The following CLECL1 variants were observed in gnomAD, a reference collection of about 807,000 sequenced individuals.
CLECL1 encodes C-type lectin-like domain family 1.
the CLECL1 span, among the ~76,000 whole-genome samples, chr12:9,704,752 T>C: frequency 6.6e-6 from 1 of 152,246 alleles, no homozygotes; most frequent in African/African-American, 2.4e-5. Flanking sequence ...TGTTCCTTTT[T>C]ATGGCTGCAT....
downstream of CLECL1, among the ~76,000 whole-genome samples, chr12:9,712,427 C>CT (rs528454711): frequency 1.3e-5 from 2 of 152,210 alleles, no homozygotes; most frequent in South Asian, 2.1e-4. Context: ...TCCTATAGTT[C>CT]TTTTTAGTGC....
upstream of CLECL1, chr12:9,733,387 G>A: frequency 1.6e-6 from 1 of 618,510 alleles, no homozygotes; most frequent in Non-Finnish European, 2.8e-6. Context: ...TTTAGTTCAG[G>A]CATATATTCT....
At position 9,726,864 on chromosome 12, in the gene CLECL1, T is replaced by C. The variant is rs1357039713; in HGVS notation, n.262+701A>G. ...AGTTAAGAAAAATATTAACTTACAT[T>C]GTACGAGATAGTCTTTAGATTGTGG... On this transcript the variant is annotated intron_variant and non_coding_transcript_variant, in intron 3 of 3. Transcript: ENST00000621400. Among the ~76,000 whole-genome samples the C allele has an allele frequency of 2.0e-5, 3 of 151,986 alleles. No individual in the cohort carries two copies. The East Asian group carries it at 5.8e-4, about 29-fold the overall frequency.
intron 3 of CLECL1, among the ~76,000 whole-genome samples, chr12:9,725,650 C>A (rs1460371028): frequency 6.6e-6 from 1 of 152,002 alleles, no homozygotes; most frequent in African/African-American, 2.4e-5. Flanking sequence ...AACTTCAATG[C>A]ATAAAACGTG....
chr12:9,727,423 T>G (rs938735404), intron 3 of CLECL1, among the ~76,000 whole-genome samples: 2 of 151,816 alleles, frequency 1.3e-5, no homozygotes, highest in East Asian at 3.8e-4. Context: ...AGAATTGTAA[T>G]GAGTCCATGA....
chr12:9,711,147 C>T (rs1020227756), downstream of CLECL1, among the ~76,000 whole-genome samples: 16 of 152,174 alleles, frequency 1.1e-4, no homozygotes, highest in African/African-American at 3.6e-4. Context: ...CTGAACCCCA[C>T]AGCCTGCCCG....
At chr12:9,731,484 G>A (rs1866446890) in intron 1 of CLECL1, among the ~76,000 whole-genome samples, 1 of 152,168 alleles carries the variant, frequency 6.6e-6, no homozygotes, top group Non-Finnish European at 1.5e-5. Context: ...AAAGGTATGA[G>A]GTTAGAAGAG....
chr12:9,711,511 TTA>T (rs1491298616), downstream of CLECL1, among the ~76,000 whole-genome samples: 16 of 23,310 alleles, frequency 6.9e-4, no homozygotes, highest in African/African-American at 7.7e-4. Flanking sequence ...AGTAAGTTAT[TTA>T]AAAAAAAAAA....
At chr12:9,708,029 G>A in the CLECL1 span, among the ~76,000 whole-genome samples, 2 of 152,124 alleles carry the variant, frequency 1.3e-5, no homozygotes, top group South Asian at 2.1e-4. Context: ...CTCCCACTTC[G>A]GGTGCCTGGG....
chr12:9,708,491 A>G, the CLECL1 span, among the ~76,000 whole-genome samples: 1 of 152,150 alleles, frequency 6.6e-6, no homozygotes, highest in Non-Finnish European at 1.5e-5. Context: ...GGTCCTAAAA[A>G]GGAAAACCAG....
chr12:9,722,902 A>G, intron 3 of CLECL1, 89 bp from the exon 2 acceptor site: 1 of 913,428 alleles, frequency 1.1e-6, no homozygotes, highest in Non-Finnish European at 1.6e-6. Context: ...ATTTGGTTAT[A>G]TTATGTGCTA....
chr12:9,734,121 G>GT (rs1331481009), upstream of CLECL1, among the ~76,000 whole-genome samples: 1 of 152,222 alleles, frequency 6.6e-6, no homozygotes, highest in Non-Finnish European at 1.5e-5. Flanking sequence ...GGAAAAACTG[G>GT]TTTTTTCAAT....
At chr12:9,718,453 C>T (rs929061895), downstream of CLECL1, among the ~76,000 whole-genome samples, 1 of 150,692 alleles carries the variant, frequency 6.6e-6, no homozygotes, top group Admixed American at 6.7e-5. Flanking sequence ...CCTTTCAGTT[C>T]TGCAGTCTTT....
chr12:9,715,765 T>G, downstream of CLECL1: 1 of 152,588 alleles, frequency 6.6e-6, no homozygotes, highest in East Asian at 1.9e-4. Flanking sequence ...GCCTTTATTC[T>G]GTCTTCTTAT....
At chr12:9,734,278 C>T (rs1345457033), upstream of CLECL1, among the ~76,000 whole-genome samples, 1 of 152,124 alleles carries the variant, frequency 6.6e-6, no homozygotes, top group Admixed American at 6.5e-5. Context: ...CTATAAAGAC[C>T]AACTTCTGAC....
downstream of CLECL1, among the ~76,000 whole-genome samples, chr12:9,712,326 C>T (rs139870877): frequency 3.3e-4 from 50 of 152,268 alleles, 1 homozygote; most frequent in East Asian, 9.3e-3. Context: ...TTTTCAACTA[C>T]CTATCTCACT....
chr12:9,706,560 A>C, the CLECL1 span, among the ~76,000 whole-genome samples: 7 of 152,216 alleles, frequency 4.6e-5, no homozygotes, highest in African/African-American at 1.4e-4. Flanking sequence ...AGTTTTTAAC[A>C]TGAAGGGATA....
the CLECL1 span, among the ~76,000 whole-genome samples, chr12:9,707,657 A>C: frequency 6.6e-6 from 1 of 152,206 alleles, no homozygotes. Flanking sequence ...GCAAGGGGGC[A>C]AGGGAACTTT....
At chr12:9,708,756 G>C in the CLECL1 span, 1 of 163,476 alleles carries the variant, frequency 6.1e-6, no homozygotes, top group African/African-American at 2.4e-5. Context: ...AAGGTCACTG[G>C]GTCTCAGGGA....
Sources: gnomAD v4.1 joint callset for allele counts (sites outside exome capture counted in the v4.1 genomes callset) on GRCh38, gnomAD v4.1.1 for gene constraint, MANE v1.5 for transcripts, NCBI Gene and HGNC (gene_info 2026-07-23, HGNC 2026-07-21) for gene names.